The following STAB2 variants were observed in gnomAD, a reference collection of about 807,000 sequenced individuals.
The protein encoded by STAB2 is stabilin 2.
A neutral mutation model predicts 338.1 loss-of-function variants in STAB2; 288 were observed. That is an observed-to-expected ratio of 0.85 (90% confidence interval 0.77 to 0.94). The LOEUF (loss-of-function observed/expected upper bound fraction) is 0.94, where lower values mean the gene tolerates loss of function less well. STAB2 is among the 40% of genes least tolerant of loss of function. The probability of loss-of-function intolerance (pLI) is 0.00; values close to 1 mark genes in which losing one functional copy is unlikely to be tolerated. For synonymous variants in STAB2, 1,202 were observed against 1,193.3 expected, an observed-to-expected ratio of 1.01 and a Z score of -0.15; for missense variants, 3,141 against 3,210.1, an observed-to-expected ratio of 0.98 and a Z score of 0.52.
At chr12:103,717,920 A>G (rs1337306558) in intron 44 of STAB2, 79 bp downstream of exon 44, 1 of 1,449,220 alleles carries the variant, frequency 6.9e-7, no homozygotes, top group Non-Finnish European at 9.7e-7. Context: ...GGGGATGCAG[A>G]GTTGAGGAAC....
chr12:103,590,839 A>G (rs1956785742), intron 1 of STAB2, 58 bp from the exon 2 acceptor site: 1 of 1,604,908 alleles, frequency 6.2e-7, no homozygotes, highest in African/African-American at 1.3e-5. Flanking sequence ...GCCATGCTAG[A>G]TGTTTTGCAA....
intron 3 of STAB2, among the ~76,000 whole-genome samples, chr12:103,619,595 A>G (rs1041563701): frequency 3.3e-5 from 5 of 152,186 alleles, no homozygotes; most frequent in African/African-American, 7.2e-5. Context: ...ATAAATGTCC[A>G]TAAAAGCTAC....
At chr12:103,659,744 T>G (rs1874456929) in intron 15 of STAB2, among the ~76,000 whole-genome samples, 1 of 152,216 alleles carries the variant, frequency 6.6e-6, no homozygotes, top group Non-Finnish European at 1.5e-5. Flanking sequence ...TGCTTCAGTT[T>G]TATGAAGCTT....
In STAB2 at chr12:103,695,536, G is replaced by T. The variant is rs780816180; in HGVS notation, c.3376-14G>T. 8.4e-5 allele frequency: 136 copies of T among 1,613,834 alleles called. No homozygotes were observed. The highest frequency in any genetic ancestry group is 1.1e-4 in the Non-Finnish European group (127 of 1,179,918). On this transcript the variant is annotated splice_polypyrimidine_tract_variant and intron_variant, in intron 31 of 68. Transcript: ENST00000388887. ...CAAAACATGCTAACAGGATTCTGGG[G>T]TTTCTTTTTTCAGGTGCTGGTCCCA...
intron 10 of STAB2, 27 bp downstream of exon 10, chr12:103,648,850 A>G: frequency 1.9e-6 from 3 of 1,608,022 alleles, no homozygotes; most frequent in Non-Finnish European, 2.5e-6. Flanking sequence ...ACAGATTTCC[A>G]CACAAAAGTC....
chr12:103,632,841 C>G (rs146334069), intron 6 of STAB2, among the ~76,000 whole-genome samples: 2 of 152,250 alleles, frequency 1.3e-5, no homozygotes, highest in African/African-American at 4.8e-5. Flanking sequence ...ATGGCAGAGC[C>G]GGGGAGCTGA....
At chr12:103,671,763 C>T (rs1353915180) in intron 22 of STAB2, among the ~76,000 whole-genome samples, 2 of 152,118 alleles carry the variant, frequency 1.3e-5, no homozygotes, top group Non-Finnish European at 2.9e-5. Context: ...GCTTGTAGAA[C>T]ATGTAGAAAG....
chr12:103,727,457 G>A, intron 47 of STAB2, 107 bp downstream of exon 47: 1 of 1,289,056 alleles, frequency 7.8e-7, no homozygotes, highest in Non-Finnish European at 1.1e-6. Flanking sequence ...GGAGCTCTGA[G>A]ATCAGGTGGA....
At chr12:103,608,385 G>A (rs558674021) in intron 3 of STAB2, among the ~76,000 whole-genome samples, 22 of 152,134 alleles carry the variant, frequency 1.4e-4, no homozygotes, top group South Asian at 2.1e-4. Context: ...CTCGTGATCC[G>A]CCCGCCTCCG....
intron 58 of STAB2, 97 bp from the exon 59 acceptor site, chr12:103,748,866 C>G: frequency 7.5e-7 from 1 of 1,330,946 alleles, no homozygotes; most frequent in Non-Finnish European, 1.0e-6. Context: ...CATTTACTCA[C>G]CCAACACCAC....
At chr12:103,731,736 C>A in intron 50 of STAB2, 101 bp downstream of exon 50, 2 of 1,214,046 alleles carry the variant, frequency 1.6e-6, no homozygotes, top group South Asian at 1.4e-5. Flanking sequence ...CATTGGCCAG[C>A]TGTTGTGGGA....
At chr12:103,748,255 G>A (rs1268996701) in intron 58 of STAB2, among the ~76,000 whole-genome samples, 1 of 152,144 alleles carries the variant, frequency 6.6e-6, no homozygotes, top group Non-Finnish European at 1.5e-5. Context: ...TCCTTAGAAT[G>A]AGTCTTCTTG....
intron 38 of STAB2, 81 bp downstream of exon 38, chr12:103,707,068 T>C: frequency 1.3e-6 from 2 of 1,500,288 alleles, no homozygotes; most frequent in Non-Finnish European, 1.8e-6. Flanking sequence ...ATCCCACACG[T>C]GCTCTCTAGC....
chr12:103,666,221 AGCCACAGGACCATC>A, intron 18 of STAB2, 56 bp from the exon 19 acceptor site: 1 of 1,494,544 alleles, frequency 6.7e-7, no homozygotes, highest in Non-Finnish European at 9.3e-7. Flanking sequence ...GCATGAAACC[AGCCACAGGACCATC>A]GCCACTGCTC....
chr12:103,666,368 T>C lies in STAB2; in HGVS notation c.2085+15T>C. ...CTGAGCCCACAGTGAGTGTGACAGCTTCATGAAAGCACAGATCACCCAAGC... is the reference window on the plus strand; with the variant it reads ...CTGAGCCCACAGTGAGTGTGACAGCCTCATGAAAGCACAGATCACCCAAGC... On this transcript the variant is annotated intron_variant, in intron 19 of 68. Coordinates refer to ENST00000388887, the MANE Select transcript of STAB2 (RefSeq NM_017564.10). 6.2e-7 allele frequency: 1 copy of C among 1,614,120 alleles called. No homozygotes were observed. The highest frequency in any genetic ancestry group is 8.5e-7 in the Non-Finnish European group (1 of 1,179,958).
At chr12:103,727,202 G>GT in intron 46 of STAB2, 65 bp from the exon 47 acceptor site, 1 of 1,574,546 alleles carries the variant, frequency 6.4e-7, no homozygotes, top group Non-Finnish European at 8.7e-7. Flanking sequence ...TCTGGTATTA[G>GT]TTTGAGCCCC....
At chr12:103,707,733 A>G (rs1282037407) in intron 38 of STAB2, among the ~76,000 whole-genome samples, 1 of 152,222 alleles carries the variant, frequency 6.6e-6, no homozygotes, top group Non-Finnish European at 1.5e-5. Flanking sequence ...AAAACCATAC[A>G]GTTCACTTGG....
chr12:103,737,463 T>C (rs1262140654), intron 52 of STAB2, among the ~76,000 whole-genome samples, 171 bp from the exon 53 acceptor site: 1 of 152,192 alleles, frequency 6.6e-6, no homozygotes, highest in East Asian at 1.9e-4. Context: ...AAGCTGGGTA[T>C]TTGATAAATA....
At chr12:103,667,573 G>A (rs571043798) in intron 19 of STAB2, among the ~76,000 whole-genome samples, 1 of 152,130 alleles carries the variant, frequency 6.6e-6, no homozygotes, top group Non-Finnish European at 1.5e-5. Context: ...TTAGACACAT[G>A]GGTAGGAGCC....
Sources: allele counts gnomAD v4.1 joint callset (sites outside exome capture counted in the v4.1 genomes callset), GRCh38; gene constraint gnomAD v4.1.1; transcripts MANE v1.5; gene names NCBI Gene and HGNC (gene_info 2026-07-23, HGNC 2026-07-21).